Variants in LAP3 observed in about 807,000 individuals in gnomAD.
LAP3 encodes the protein leucine aminopeptidase 3.
In LAP3, 46 loss-of-function variants were observed where a neutral mutation model predicts 58.8. The observed-to-expected ratio is 0.78, with a 90% CI of 0.62 to 1.00. LAP3 has a LOEUF of 1.00. Among genes scored for constraint, LAP3 ranks in the 50% least tolerant of loss-of-function variants. LAP3 has a pLI of 0.00. For synonymous variants in LAP3, 257 were observed against 237.7 expected (o/e 1.08, Z -0.75); for missense variants, 615 against 659.1 (o/e 0.93, Z 0.73).
chr4:17,591,790 G>A (rs766894527), intron 7 of LAP3, among the ~76,000 whole-genome samples: 1 of 152,144 alleles, frequency 6.6e-6, no homozygotes, highest in Non-Finnish European at 1.5e-5. Flanking sequence ...GGCAAGATAC[G>A]GCTAGAGAGG....
At chr4:17,577,751 T>C (rs1713247247) in intron 1 of LAP3, among the ~76,000 whole-genome samples, 184 bp downstream of exon 1, 1 of 152,164 alleles carries the variant, frequency 6.6e-6, no homozygotes, top group East Asian at 1.9e-4. Flanking sequence ...AGCGGTCGTA[T>C]TGAGGGCGCG....
chr4:17,593,980 TAAA>T (rs543230487), intron 7 of LAP3, among the ~76,000 whole-genome samples: 79 of 152,204 alleles, frequency 5.2e-4, no homozygotes, highest in African/African-American at 1.7e-3. Flanking sequence ...TGTGTGTGTG[TAAA>T]AATGTGCTGT....
At chr4:17,591,697 G>A (rs971184388) in intron 7 of LAP3, among the ~76,000 whole-genome samples, 1 of 152,148 alleles carries the variant, frequency 6.6e-6, no homozygotes, top group African/African-American at 2.4e-5. Context: ...GGTGAAGGCT[G>A]TAAGGTGGGA....
chr4:17,590,443 G>A (rs1713655834), intron 7 of LAP3, among the ~76,000 whole-genome samples: 1 of 152,140 alleles, frequency 6.6e-6, no homozygotes, highest in Non-Finnish European at 1.5e-5. Flanking sequence ...CTCCTTTAAA[G>A]CATTGATCTC....
intron 2 of LAP3, 151 bp from the exon 3 acceptor site, chr4:17,581,609 A>C: frequency 1.7e-6 from 1 of 602,688 alleles, no homozygotes; most frequent in Middle Eastern, 3.3e-4. Context: ...ATCTGGCTTG[A>C]GAGCATTCTG....
At chr4:17,585,385 C>CACAGTTATTCAG (rs1265659914) in intron 6 of LAP3, 2 of 272,952 alleles carry the variant, frequency 7.3e-6, no homozygotes, top group Admixed American at 5.0e-5. Flanking sequence ...GTTATTCAGA[C>CACAGTTATTCAG]ACAATTAACA....
At chr4:17,587,433 T>TTG (rs1553881380) in intron 6 of LAP3, 1 of 23,002 alleles carries the variant, frequency 4.3e-5, no homozygotes, top group African/African-American at 1.1e-4. Context: ...GTTGTTGTTT[T>TTG]TTTTTTTTTT....
chr4:17,607,147 A>G (rs941488793), intron 12 of LAP3, among the ~76,000 whole-genome samples: 10 of 152,268 alleles, frequency 6.6e-5, no homozygotes, highest in African/African-American at 2.4e-4. Flanking sequence ...GTAATTTTCA[A>G]TAAATGGTAA....
At chr4:17,602,428 TTTAAGTTGATTTTTTAAAAATATG>T (rs1714003912) in intron 10 of LAP3, among the ~76,000 whole-genome samples, 2 of 152,210 alleles carry the variant, frequency 1.3e-5, no homozygotes, top group Admixed American at 1.3e-4. Flanking sequence ...AATCTGGATT[TTTAAGTTGATTTTTTAAAAATATG>T]CTAATTAATG....
intron 6 of LAP3, 32 bp from the exon 7 acceptor site, chr4:17,588,787 A>G (rs1445863421): frequency 6.3e-7 from 1 of 1,577,274 alleles, no homozygotes. Flanking sequence ...AGGTAACAGT[A>G]TATTTACTTT....
chr4:17,577,475 C>A lies in LAP3; in HGVS notation c.10C>A (p.Leu4Met), dbSNP rs867134570. 34 of 1,578,054 alleles carry A rather than the reference C, an allele frequency of 2.2e-5. No individual in the cohort carries two copies. In the African/African-American group the frequency reaches 4.5e-4, roughly 21 times the overall value. Residue 4 changes from leucine to methionine, a missense_variant, in exon 1 of 13, where the codon CTG (leucine) becomes ATG (methionine). By Grantham distance (15) the Leu-to-Met change is conservative. Coordinates refer to ENST00000226299, the MANE Select transcript of LAP3 (RefSeq NM_015907.3). Reference protein sequence around the residue: MFLLPLPAAGRVVV... With the variant: MFLMPLPAAGRVVV... ...GGGCCGAGCCGACAAGATGTTCTTG[C>A]TGCCTCTTCCGGCTGCGGGGCGAGT...
At chr4:17,583,817 C>G (rs1426987868) in intron 5 of LAP3, among the ~76,000 whole-genome samples, 175 bp downstream of exon 5, 2 of 152,190 alleles carry the variant, frequency 1.3e-5, no homozygotes, top group East Asian at 3.8e-4. Flanking sequence ...AAGCTCTGCT[C>G]CTGGCTCTCG....
intron 9 of LAP3, 97 bp from the exon 10 acceptor site, chr4:17,598,359 A>G (rs564624673): frequency 1.2e-6 from 1 of 824,986 alleles, no homozygotes; most frequent in South Asian, 1.4e-5. Flanking sequence ...ACGTCACAGT[A>G]GCTTTTTCCA....
At chr4:17,580,185 T>TATACACATATATATATATACATATATATA in intron 2 of LAP3, among the ~76,000 whole-genome samples, 2 of 32,076 alleles carry the variant, frequency 6.2e-5, no homozygotes, top group African/African-American at 3.6e-4. Context: ...TATATATGTA[T>TATACACATATATATATATACATATATATA]TTTTTTTTTT....
chr4:17,602,652 A>G (rs1714008720), intron 10 of LAP3, among the ~76,000 whole-genome samples: 1 of 152,180 alleles, frequency 6.6e-6, no homozygotes, highest in Non-Finnish European at 1.5e-5. Flanking sequence ...TTACATCATT[A>G]AAAATATTTT....
Position 17,581,743 on chromosome 4 carries a change from A to G in LAP3, c.219-17A>G, listed in dbSNP as rs78037981. On this transcript the variant is annotated splice_polypyrimidine_tract_variant and intron_variant, in intron 2 of 12. Transcript: ENST00000226299. ...GCAAAATACTTGTTTTAAAACGACTATTTCCTCTTGTTTTAGATCTGGACC... is the reference window on the plus strand; with the variant it reads ...GCAAAATACTTGTTTTAAAACGACTGTTTCCTCTTGTTTTAGATCTGGACC... 8.5e-3 allele frequency: 13,719 copies of G among 1,609,868 alleles called. 310 individuals carry two copies. The highest frequency in any genetic ancestry group is 0.047 in the East Asian group (2,095 of 44,816).
chr4:17,585,276 A>G lies in LAP3; in HGVS notation c.704+140A>G, dbSNP rs901674646. 3.1e-5 allele frequency: 20 copies of G among 635,090 alleles called. No homozygotes were observed. In the African/African-American group the frequency reaches 3.7e-4, roughly 12 times the overall value. 39.3% of individuals were successfully genotyped at this position (635,090 alleles called of 1,614,324 possible). On this transcript the variant is annotated intron_variant, in intron 6 of 12. Transcript: ENST00000226299. ...ATGACCCACTTGGGTCCACATGGGG[A>G]GCTGGAATAGAGCTGAGTTTGAGGT... is the stretch of plus-strand genomic sequence containing the variant.
intron 10 of LAP3, among the ~76,000 whole-genome samples, chr4:17,600,823 C>T (rs959190661): frequency 6.6e-6 from 1 of 152,202 alleles, no homozygotes; most frequent in Non-Finnish European, 1.5e-5. Flanking sequence ...AAAACTTGTC[C>T]TAACTTTTAA....
Position 17,607,417 on chromosome 4 carries a change from C to T in LAP3, c.1388C>T (p.Thr463Ile), listed in dbSNP as rs1560153587. ...IGKYRSAGAC[T>I]AAAFLKEFVT... ...CTCTTCAGATCTGCAGGAGCATGTA[C>T]AGCTGCAGCATTCCTGAAAGAATTC... is the stretch of plus-strand genomic sequence containing the variant. The change falls in exon 13 of 13, where the codon ACA (threonine) becomes ATA (isoleucine). Residue 463 changes from threonine (T) to isoleucine (I), a missense_variant. Transcript: ENST00000226299. 3.7e-6 allele frequency: 6 copies of T among 1,613,318 alleles called. No homozygotes were observed. Among genetic ancestry groups the T allele is most frequent in the Non-Finnish European group, 4.2e-6 (5 of 1,179,828 alleles).
Sources: allele counts gnomAD v4.1 joint callset (sites outside exome capture counted in the v4.1 genomes callset), GRCh38; gene constraint gnomAD v4.1.1; transcripts MANE v1.5; gene names NCBI Gene and HGNC (gene_info 2026-07-23, HGNC 2026-07-21).